The following AHDC1 variants were observed in gnomAD, a reference collection of about 807,000 sequenced individuals.
AHDC1 encodes AT-hook DNA binding motif containing 1.
AHDC1 carries 7 observed loss-of-function variants against 87.9 expected under a neutral mutation model. That is an observed-to-expected ratio of 0.08 (90% CI 0.05 to 0.15). AHDC1 has a LOEUF of 0.15. Ranked by LOEUF, AHDC1 falls within the 10% of genes least tolerant of loss-of-function variation. The probability of loss-of-function intolerance (pLI) is 1.00; values close to 1 mark genes in which losing one functional copy is unlikely to be tolerated. For missense variants in AHDC1, 1,841 were observed against 2,253.2 expected (o/e 0.82, Z 3.70); for synonymous variants, 1,051 against 1,006.8 (o/e 1.04, Z -0.83).
intron 3 of AHDC1, 61 bp downstream of exon 3, chr1:27,603,334 CAA>C (rs2089594618): frequency 6.6e-6 from 1 of 152,404 alleles, no homozygotes; most frequent in Non-Finnish European, 1.5e-5. Context: ...GTGCGCTGCA[CAA>C]AAGAGCCTGG....
intron 3 of AHDC1, among the ~76,000 whole-genome samples, chr1:27,583,641 C>T (rs1163393440): frequency 2.0e-5 from 3 of 152,164 alleles, no homozygotes; most frequent in Non-Finnish European, 4.4e-5. Context: ...CCTAACCCGT[C>T]TCTTAATCAG....
rs2089343814 is a variant in AHDC1 at position 27,595,455 on chromosome 1, T to G, written c.-629+7942A>C. ...ATATGCTGAGGGTGTGATAGCTGTG[T>G]GTGTGTGTGTGTGTGATTGTGTGTG... On this transcript the variant is annotated intron_variant, in intron 3 of 8. Transcript: ENST00000673934. The surrounding 1 kb of genome is among the most constrained non-coding windows in gnomAD (Gnocchi z 4.0). Among the ~76,000 whole-genome samples the G allele has an allele frequency of 1.3e-5, 2 of 150,904 alleles. No individual in the cohort carries two copies. The highest frequency in any genetic ancestry group is 4.2e-4 in the South Asian group (2 of 4,788).
chr1:27,549,184 G>C lies in AHDC1; in HGVS notation c.2932C>G (p.Gln978Glu). 1.3e-6 allele frequency: 2 copies of C among 1,588,152 alleles called. No individual in the cohort carries two copies. Among genetic ancestry groups the C allele is most frequent in the Non-Finnish European group, 1.7e-6 (2 of 1,167,162 alleles). ...LPQYGGYGAGQSVFAPTKPFT... is the reference protein window; with the variant it reads ...LPQYGGYGAGESVFAPTKPFT... ...GGCTTAGTTGGGGCGAATACGCTTT[G>C]TCCGGCCCCATAGCCGCCGTACTGG... Residue 978 changes from glutamine to glutamate, a missense_variant, in exon 8 of 9, where the codon CAA (glutamine) becomes GAA (glutamate). Physicochemically the swap from Gln to Glu is conservative, Grantham distance 29. Coordinates refer to ENST00000673934, the MANE Select transcript of AHDC1 (RefSeq NM_001371928.1).
chr1:27,569,841 C>T (rs2020491829), intron 3 of AHDC1, among the ~76,000 whole-genome samples: 1 of 152,114 alleles, frequency 6.6e-6, no homozygotes, highest in South Asian at 2.1e-4. Context: ...CTAGCCCCAA[C>T]CCCTGCTGAG....
intron 3 of AHDC1, among the ~76,000 whole-genome samples, chr1:27,584,841 A>T (rs971718681): frequency 6.6e-6 from 1 of 152,094 alleles, no homozygotes; most frequent in Non-Finnish European, 1.5e-5. Context: ...CTTATCCCCC[A>T]GGAATTCAGG....
In AHDC1 at chr1:27,549,032, G is replaced by A. The variant is rs992500101; in HGVS notation, c.3084C>T (p.Pro1028=). The A allele has an allele frequency of 6.3e-7, 1 of 1,575,050 alleles. No individual in the cohort carries two copies. The highest frequency in any genetic ancestry group is 1.4e-5 in the African/African-American group (1 of 73,926). The change falls in exon 8 of 9, where the codon CCC becomes CCT. Residue 1028 remains proline, a synonymous_variant. Transcript: ENST00000673934. The part of the protein sequence containing the change: ...AGYAPPPTGG[P]CLPPSKASFF... The stretch of plus-strand genomic sequence containing the variant: ...AGGAGGCCTTGCTTGGTGGCAGGCA[G>A]GGGCCCCCGGTAGGCGGTGGGGCAT...
At chr1:27,541,016 A>C (rs999086693) in intron 8 of AHDC1, among the ~76,000 whole-genome samples, 2 of 150,570 alleles carry the variant, frequency 1.3e-5, no homozygotes, top group Non-Finnish European at 1.5e-5. Context: ...AAAAAAAAAA[A>C]AAAAAAAAAA....
rs1295009275 is a variant in AHDC1, at chr1:27,563,073, C to A, written c.-628-4190G>T. On this transcript the variant is annotated intron_variant, in intron 3 of 8. Transcript: ENST00000673934. This position sits in a 1 kb window ranked among gnomAD's most constrained non-coding sequence, Gnocchi z 6.1. ...TGACACGCAACCAGGCACCCCCACA[C>A]CCACTAATGCACAGAGAACCTGTTA... Among the ~76,000 whole-genome samples, 1 of 152,178 alleles carries A rather than the reference C, an allele frequency of 6.6e-6. No homozygotes were observed. Among genetic ancestry groups the A allele is most frequent in the African/African-American group, 2.4e-5 (1 of 41,430 alleles).
Position 27,554,188 on chromosome 1 carries a change from T to C in AHDC1, c.-224-1003A>G, listed in dbSNP as rs548421322. Among the ~76,000 whole-genome samples, 35 of 152,350 alleles carry C rather than the reference T, an allele frequency of 2.3e-4. 2 individuals are homozygous for C. Among genetic ancestry groups the C allele is most frequent in the African/African-American group, 8.2e-4 (34 of 41,590 alleles). On this transcript the variant is annotated intron_variant, in intron 5 of 8. Transcript: ENST00000673934. ...TCTTCTTCTCCAGACCCAAGAAGGA[T>C]GCTGAGAGAGGGACCTAAGAATGTG...
chr1:27,575,968 C>G (rs1249980592), intron 3 of AHDC1, among the ~76,000 whole-genome samples: 2 of 152,060 alleles, frequency 1.3e-5, no homozygotes, highest in Non-Finnish European at 2.9e-5. Flanking sequence ...TCTGCCCCGG[C>G]CCGGGGACTG....
At chr1:27,554,162 T>C (rs1197282785) in intron 5 of AHDC1, among the ~76,000 whole-genome samples, 4 of 152,230 alleles carry the variant, frequency 2.6e-5, no homozygotes, top group South Asian at 2.1e-4. Context: ...TTGAGGCTCT[T>C]TCTTCTTCTC....
At chr1:27,586,893 G>A (rs573570688) in intron 3 of AHDC1, among the ~76,000 whole-genome samples, 1 of 152,278 alleles carries the variant, frequency 6.6e-6, no homozygotes, top group East Asian at 1.9e-4. Context: ...AGGCACCCTG[G>A]TCCTCTCTTC....
intron 3 of AHDC1, among the ~76,000 whole-genome samples, chr1:27,566,793 C>A (rs1027175398): frequency 1.7e-5 from 2 of 117,970 alleles, no homozygotes; most frequent in Non-Finnish European, 3.4e-5. Flanking sequence ...CTGGTTTCAG[C>A]TGGGGCAGTT....
intron 3 of AHDC1, among the ~76,000 whole-genome samples, chr1:27,564,896 A>G (rs1416557934): frequency 6.6e-6 from 1 of 152,068 alleles, no homozygotes; most frequent in Non-Finnish European, 1.5e-5. Flanking sequence ...GTCAGTGTCT[A>G]GGGCCCCTCG....
At chr1:27,596,274 A>G (rs2089369102) in intron 3 of AHDC1, among the ~76,000 whole-genome samples, 1 of 152,092 alleles carries the variant, frequency 6.6e-6, no homozygotes, top group Admixed American at 6.5e-5. Flanking sequence ...AGCGGATCCA[A>G]GCCCACCCAT....
At chr1:27,583,037 A>G (rs72886323) in intron 3 of AHDC1, among the ~76,000 whole-genome samples, 10,246 of 152,156 alleles carry the variant, frequency 0.067, 839 homozygotes, top group African/African-American at 0.2. Context: ...AGCTGGGATT[A>G]CAGGTGCCTG....
At chr1:27,569,751 CG>C (rs1030628421) in intron 3 of AHDC1, among the ~76,000 whole-genome samples, 1 of 152,082 alleles carries the variant, frequency 6.6e-6, no homozygotes, top group Non-Finnish European at 1.5e-5. Flanking sequence ...CCCTGACCCC[CG>C]GATGACAAAG....
At chr1:27,572,984 C>T (rs968618391) in intron 3 of AHDC1, among the ~76,000 whole-genome samples, 6 of 152,230 alleles carry the variant, frequency 3.9e-5, no homozygotes, top group African/African-American at 1.2e-4. Context: ...AGCTCTTATT[C>T]CTATGCACAG....
intron 3 of AHDC1, among the ~76,000 whole-genome samples, chr1:27,576,763 G>C (rs1459771992): frequency 6.6e-6 from 1 of 151,568 alleles, no homozygotes; most frequent in East Asian, 1.9e-4. Context: ...AGCTCCACTG[G>C]GGCCATTCCC....
Sources: gnomAD v4.1 joint callset for allele counts (sites outside exome capture counted in the v4.1 genomes callset) on GRCh38, gnomAD v4.1.1 for gene constraint, Gnocchi (gnomAD v3.1) non-coding constraint, MANE v1.5 for transcripts, NCBI Gene and HGNC (gene_info 2026-07-23, HGNC 2026-07-21) for gene names.